FHIT: variants seen among roughly 807,000 people sequenced by gnomAD.
FHIT encodes the protein fragile histidine triad diadenosine triphosphatase.
A neutral mutation model predicts 17.9 loss-of-function variants in FHIT; 19 were observed. That is an observed-to-expected ratio of 1.06 (90% confidence interval 0.74 to 1.56). The LOEUF (loss-of-function observed/expected upper bound fraction) is 1.56, where lower values mean the gene tolerates loss of function less well. FHIT is among the 40% of genes most tolerant of loss of function. The pLI, the probability that FHIT is intolerant of heterozygous loss-of-function variation, is 0.00. For synonymous variants in FHIT, 81 were observed against 69.7 expected, an observed-to-expected ratio of 1.16 and a Z score of -0.81; for missense variants, 248 against 189.2, an observed-to-expected ratio of 1.31 and a Z score of -1.82.
intron 1 of FHIT, among the ~76,000 whole-genome samples, chr3:61,208,327 A>G (rs541977937): frequency 2.0e-5 from 3 of 152,214 alleles, no homozygotes; most frequent in African/African-American, 4.8e-5. Flanking sequence ...GATGTCTATT[A>G]GGTCCGCTTG....
intron 3 of FHIT, among the ~76,000 whole-genome samples, chr3:60,983,731 C>T (rs1559886597): frequency 1.3e-5 from 2 of 152,104 alleles, no homozygotes; most frequent in African/African-American, 2.4e-5. Context: ...GATGACTGTC[C>T]AAATGTAGTG....
chr3:59,889,863 A>C (rs542325534), intron 8 of FHIT, among the ~76,000 whole-genome samples: 1 of 152,302 alleles, frequency 6.6e-6, no homozygotes, highest in East Asian at 1.9e-4. Context: ...TGGCTGGAAA[A>C]GGGTATTGTT....
intron 5 of FHIT, among the ~76,000 whole-genome samples, chr3:60,072,965 G>A (rs1214199772): frequency 6.6e-6 from 1 of 152,144 alleles, no homozygotes; most frequent in African/African-American, 2.4e-5. Flanking sequence ...TGACTGCACT[G>A]TGTTACTAAA....
intron 8 of FHIT, among the ~76,000 whole-genome samples, chr3:59,817,390 C>G (rs1700636748): frequency 6.6e-6 from 1 of 151,908 alleles, no homozygotes; most frequent in African/African-American, 2.4e-5. Context: ...GTGTGTGGAA[C>G]TGTCCCTTGG....
chr3:60,130,933 T>TA (rs1559661119), intron 5 of FHIT, among the ~76,000 whole-genome samples: 58 of 145,152 alleles, frequency 4.0e-4, no homozygotes, highest in Middle Eastern at 3.8e-3. Flanking sequence ...ACATATATGT[T>TA]TATATATATA....
At chr3:60,371,034 G>C (rs1700305816) in intron 5 of FHIT, among the ~76,000 whole-genome samples, 2 of 152,300 alleles carry the variant, frequency 1.3e-5, no homozygotes, top group South Asian at 4.1e-4. Flanking sequence ...TAAGCCGTTT[G>C]CACAAGGCAA....
intron 2 of FHIT, among the ~76,000 whole-genome samples, chr3:61,148,703 T>G (rs2037298468): frequency 6.6e-6 from 1 of 152,200 alleles, no homozygotes; most frequent in Non-Finnish European, 1.5e-5. Context: ...TGCAATAATT[T>G]CTCTTGAATT....
At position 59,922,376 on chromosome 3, in the gene FHIT, G is replaced by C. The variant is rs1705447647; in HGVS notation, c.318C>G (p.Asp106Glu). 3.1e-6 allele frequency: 5 copies of C among 1,613,930 alleles called. No homozygotes were observed. Among genetic ancestry groups the C allele is most frequent in the Non-Finnish European group, 4.2e-6 (5 of 1,179,932 alleles). Reference sequence around the variant, plus strand: ...CATAGATGCTGTCATTCCTGTGAAAGTCTCCAGCCTTCCTGGGAAGAACAT... The same window carrying C: ...CATAGATGCTGTCATTCCTGTGAAACTCTCCAGCCTTCCTGGGAAGAACAT... ...HVHVLPRKAG[D>E]FHRNDSIYEE... is the part of the protein sequence containing the mutation. The change falls in exon 8 of 10, where the codon GAC (aspartate) becomes GAG (glutamate). Residue 106 changes from aspartate to glutamate, a missense_variant. Asp to Glu is a conservative substitution (Grantham distance 45). Coordinates refer to ENST00000492590, the MANE Select transcript of FHIT (RefSeq NM_002012.4).
chr3:61,135,710 T>A (rs1039723786), intron 2 of FHIT, among the ~76,000 whole-genome samples: 1 of 152,208 alleles, frequency 6.6e-6, no homozygotes, highest in African/African-American at 2.4e-5. Context: ...ACATGGATAA[T>A]GAAGCACTTC....
At chr3:61,167,089 A>G (rs929094013) in intron 2 of FHIT, 9 of 152,190 alleles carry the variant, frequency 5.9e-5, no homozygotes, top group African/African-American at 2.2e-4. Context: ...AGAAAATCTA[A>G]TGTGAAAATC....
chr3:60,011,323 T>C (rs1184239991), intron 7 of FHIT, 48 bp downstream of exon 7: 1 of 1,584,376 alleles, frequency 6.3e-7, no homozygotes, highest in Non-Finnish European at 8.7e-7. Flanking sequence ...TTTTATTAGT[T>C]CTCATAATCG....
intron 4 of FHIT, among the ~76,000 whole-genome samples, chr3:60,681,138 C>G (rs1344681577): frequency 1.3e-5 from 2 of 152,268 alleles, no homozygotes; most frequent in East Asian, 3.9e-4. Flanking sequence ...TCTAGCAAGT[C>G]TATTGGCACC....
chr3:60,011,707 G>A (rs552237092), intron 6 of FHIT, among the ~76,000 whole-genome samples: 1 of 152,256 alleles, frequency 6.6e-6, no homozygotes, highest in East Asian at 1.9e-4. Flanking sequence ...AATGTTTGGG[G>A]AGGTGAAGTA....
chr3:60,944,735 G>A (rs1366161482), intron 3 of FHIT, among the ~76,000 whole-genome samples: 2 of 152,152 alleles, frequency 1.3e-5, no homozygotes, highest in Admixed American at 6.5e-5. Context: ...GCAAAAGGAA[G>A]TTTCCCAATT....
chr3:60,592,550 T>G (rs568784326), intron 4 of FHIT, among the ~76,000 whole-genome samples: 1 of 152,136 alleles, frequency 6.6e-6, no homozygotes, highest in East Asian at 1.9e-4. Flanking sequence ...TGGTTCTTAT[T>G]CTCCTAGCCC....
chr3:60,966,472 G>A (rs1709751703), intron 3 of FHIT, among the ~76,000 whole-genome samples: 1 of 152,204 alleles, frequency 6.6e-6, no homozygotes, highest in Admixed American at 6.5e-5. Flanking sequence ...GATGAACCGG[G>A]TACCTCAATT....
At chr3:59,790,644 G>T (rs762268935) in intron 8 of FHIT, among the ~76,000 whole-genome samples, 9 of 152,034 alleles carry the variant, frequency 5.9e-5, no homozygotes, top group Non-Finnish European at 1.0e-4. Context: ...CTGAAACACA[G>T]GCATCAGTGT....
chr3:61,103,717 G>A (rs2035904860), intron 2 of FHIT, among the ~76,000 whole-genome samples: 1 of 152,074 alleles, frequency 6.6e-6, no homozygotes, highest in Non-Finnish European at 1.5e-5. Context: ...CTGAGGACTT[G>A]CTTTATGAAT....
intron 4 of FHIT, among the ~76,000 whole-genome samples, chr3:60,553,597 T>C (rs1172530851): frequency 1.3e-5 from 2 of 149,096 alleles, no homozygotes; most frequent in Admixed American, 6.7e-5. Context: ...AAGAAAGATA[T>C]AGGGTGTAAA....
Sources: gnomAD v4.1 joint callset for allele counts (sites outside exome capture counted in the v4.1 genomes callset) on GRCh38, gnomAD v4.1.1 for gene constraint, MANE v1.5 for transcripts, NCBI Gene and HGNC (gene_info 2026-07-23, HGNC 2026-07-21) for gene names.